Variants in PDE1C observed in about 807,000 individuals in gnomAD.
The protein encoded by PDE1C is phosphodiesterase 1C.
In PDE1C, 62 loss-of-function variants were observed where a neutral mutation model predicts 93.1. The observed-to-expected ratio is 0.67, with a 90% CI of 0.54 to 0.82. The LOEUF (loss-of-function observed/expected upper bound fraction) is 0.82, where lower values mean the gene tolerates loss of function less well. Ranked by LOEUF, PDE1C falls within the 40% of genes least tolerant of loss-of-function variation. The pLI, the probability that PDE1C is intolerant of heterozygous loss-of-function variation, is 0.00. For missense variants in PDE1C, 742 were observed against 884.6 expected, an observed-to-expected ratio of 0.84 and a Z score of 2.04; for synonymous variants, 325 against 310.1, an observed-to-expected ratio of 1.05 and a Z score of -0.50.
At chr7:31,993,003 A>C (rs1301413959) in intron 2 of PDE1C, among the ~76,000 whole-genome samples, 1 of 152,184 alleles carries the variant, frequency 6.6e-6, no homozygotes, top group African/African-American at 2.4e-5. Context: ...TATTGTCTAG[A>C]ATAATTATAT....
the PDE1C span, among the ~76,000 whole-genome samples, chr7:31,617,598 G>A: frequency 4.6e-5 from 7 of 152,032 alleles, no homozygotes; most frequent in African/African-American, 1.7e-4. Context: ...ATTAACAGCA[G>A]CTCTTTAGAG....
At chr7:31,910,702 G>C (rs1257081686) in intron 2 of PDE1C, among the ~76,000 whole-genome samples, 1 of 152,174 alleles carries the variant, frequency 6.6e-6, no homozygotes, top group African/African-American at 2.4e-5. Flanking sequence ...TTCAATCCCA[G>C]CTCTGCCTGC....
chr7:31,901,442 C>T (rs1476092157), intron 2 of PDE1C, among the ~76,000 whole-genome samples: 1 of 151,146 alleles, frequency 6.6e-6, no homozygotes, highest in African/African-American at 2.4e-5. Flanking sequence ...TCTCTAATTC[C>T]ATGTGAAGAA....
intron 2 of PDE1C, among the ~76,000 whole-genome samples, chr7:32,016,702 A>G (rs1305724138): frequency 1.3e-5 from 2 of 152,196 alleles, no homozygotes; most frequent in Non-Finnish European, 2.9e-5. Context: ...TTAGATATAG[A>G]AGGAAGGAAA....
At chr7:31,963,970 G>T (rs1029507952) in intron 2 of PDE1C, among the ~76,000 whole-genome samples, 2 of 152,180 alleles carry the variant, frequency 1.3e-5, no homozygotes, top group African/African-American at 4.8e-5. Flanking sequence ...GAAAAAAGTG[G>T]GGTGGAGGCA....
At chr7:32,373,310 C>T (rs118066344) in intron 1 of PDE1C, among the ~76,000 whole-genome samples, 1 of 152,324 alleles carries the variant, frequency 6.6e-6, no homozygotes, top group Non-Finnish European at 1.5e-5. Context: ...CTGATACATG[C>T]TACAATGTGG....
the PDE1C span, among the ~76,000 whole-genome samples, chr7:31,645,359 T>A: frequency 6.6e-6 from 1 of 152,208 alleles, no homozygotes; most frequent in Non-Finnish European, 1.5e-5. Flanking sequence ...ATCAGATCAT[T>A]TTTTAATTGC....
At chr7:31,852,907 C>G (rs1305533725) in intron 7 of PDE1C, among the ~76,000 whole-genome samples, 1 of 151,140 alleles carries the variant, frequency 6.6e-6, no homozygotes, top group African/African-American at 2.5e-5. Flanking sequence ...TATTTTGTCC[C>G]CACCCATCTG....
chr7:32,106,363 G>A (rs550607830), intron 3 of PDE1C, among the ~76,000 whole-genome samples: 2 of 152,060 alleles, frequency 1.3e-5, no homozygotes, highest in Non-Finnish European at 2.9e-5. Flanking sequence ...GAGTTCTAGT[G>A]TCCTTCTCTT....
the PDE1C span, among the ~76,000 whole-genome samples, chr7:31,724,059 A>T: frequency 6.6e-6 from 1 of 152,206 alleles, no homozygotes; most frequent in Non-Finnish European, 1.5e-5. Context: ...TCTGAACTCA[A>T]TGGTACAGAT....
intron 1 of PDE1C, among the ~76,000 whole-genome samples, chr7:32,422,003 A>C: frequency 6.6e-6 from 1 of 152,170 alleles, no homozygotes. Flanking sequence ...AGTGAGCCCG[A>C]GACTTTTCTG....
At chr7:32,121,231 T>C (rs1417150147) in intron 3 of PDE1C, among the ~76,000 whole-genome samples, 1 of 151,754 alleles carries the variant, frequency 6.6e-6, no homozygotes, top group Non-Finnish European at 1.5e-5. Flanking sequence ...TGGGACTATG[T>C]AAAAAGACCA....
At chr7:31,965,792 G>T (rs1809839043) in intron 2 of PDE1C, among the ~76,000 whole-genome samples, 1 of 152,162 alleles carries the variant, frequency 6.6e-6, no homozygotes, top group Non-Finnish European at 1.5e-5. Flanking sequence ...GAAGAGAGTG[G>T]GGGCAAATAT....
At chr7:32,136,641 T>C (rs1357248941) in intron 3 of PDE1C, among the ~76,000 whole-genome samples, 1 of 152,186 alleles carries the variant, frequency 6.6e-6, no homozygotes, top group Non-Finnish European at 1.5e-5. Flanking sequence ...CAAAGGACTA[T>C]TTCTAATGCA....
At chr7:31,799,580 A>G (rs1219510640) in intron 16 of PDE1C, among the ~76,000 whole-genome samples, 1 of 151,718 alleles carries the variant, frequency 6.6e-6, no homozygotes, top group Admixed American at 6.6e-5. Context: ...AAAGAAAAAA[A>G]CAGAAAAAAC....
the PDE1C span, among the ~76,000 whole-genome samples, chr7:31,744,766 A>G: frequency 6.6e-6 from 1 of 152,192 alleles, no homozygotes; most frequent in Non-Finnish European, 1.5e-5. Context: ...ATTTTAGCCT[A>G]GTTTAGTAAG....
chr7:32,362,112 G>A (rs1444551030), intron 1 of PDE1C, among the ~76,000 whole-genome samples: 3 of 152,192 alleles, frequency 2.0e-5, no homozygotes, highest in Admixed American at 6.5e-5. Flanking sequence ...CGGGGAGAAC[G>A]ATGGGGTCAG....
downstream of PDE1C, among the ~76,000 whole-genome samples, chr7:31,746,901 A>G (rs1794018872): frequency 6.6e-6 from 1 of 152,222 alleles, no homozygotes; most frequent in Non-Finnish European, 1.5e-5. Flanking sequence ...GATGCATTCA[A>G]TGAGCAATGG....
At chr7:31,840,515 T>C (rs1157848612) in intron 9 of PDE1C, among the ~76,000 whole-genome samples, 1 of 152,176 alleles carries the variant, frequency 6.6e-6, no homozygotes, top group Admixed American at 6.6e-5. Flanking sequence ...TTCTCTCCTA[T>C]CTGAGAAACC....
Sources: allele counts gnomAD v4.1 joint callset (sites outside exome capture counted in the v4.1 genomes callset), GRCh38; gene constraint gnomAD v4.1.1; transcripts MANE v1.5; gene names NCBI Gene and HGNC (gene_info 2026-07-23, HGNC 2026-07-21).